SOS2: variants seen among roughly 807,000 people sequenced by gnomAD.
The protein encoded by SOS2 is SOS Ras/Rho guanine nucleotide exchange factor 2, also known as son of sevenless homolog 2.
SOS2 carries 65 observed loss-of-function variants against 148.2 expected under a neutral mutation model. The observed-to-expected ratio is 0.44, with a 90% CI of 0.36 to 0.54. The LOEUF is 0.54. SOS2 is among the 20% of genes least tolerant of loss of function. SOS2 has a pLI of 0.00. For missense variants in SOS2, 1,341 were observed against 1,590.2 expected (o/e 0.84, Z 2.67); for synonymous variants, 539 against 537.1 (o/e 1.00, Z -0.05).
intron 1 of SOS2, among the ~76,000 whole-genome samples, chr14:50,216,820 T>C (rs1887052072): frequency 6.6e-6 from 1 of 152,072 alleles, no homozygotes; most frequent in Admixed American, 6.6e-5. Flanking sequence ...ATTAAAGACT[T>C]AAATAAATGA....
intron 16 of SOS2, among the ~76,000 whole-genome samples, chr14:50,143,683 C>T (rs192472031): frequency 9.0e-4 from 137 of 152,276 alleles, no homozygotes; most frequent in Non-Finnish European, 8.5e-4. Context: ...CTCAGGTGAT[C>T]CACCCGCCTC....
At chr14:50,135,088 A>AG (rs1884030808) in intron 18 of SOS2, among the ~76,000 whole-genome samples, 1 of 148,456 alleles carries the variant, frequency 6.7e-6, no homozygotes, top group Admixed American at 6.7e-5. Flanking sequence ...AAAAAAAAAA[A>AG]AAAAGAAAGA....
chr14:50,148,687 G>T (rs1884571404), intron 14 of SOS2, among the ~76,000 whole-genome samples: 1 of 152,142 alleles, frequency 6.6e-6, no homozygotes, highest in Non-Finnish European at 1.5e-5. Context: ...TTTTGAGTCA[G>T]ATGTTGACAA....
At chr14:50,197,799 G>A (rs1886360550) in intron 4 of SOS2, among the ~76,000 whole-genome samples, 2 of 147,710 alleles carry the variant, frequency 1.4e-5, no homozygotes, top group Non-Finnish European at 3.0e-5. Context: ...AATGATTCTC[G>A]TGCCTCAGCC....
At chr14:50,198,755 C>T (rs1824348706) in intron 4 of SOS2, among the ~76,000 whole-genome samples, 1 of 152,214 alleles carries the variant, frequency 6.6e-6, no homozygotes, top group Admixed American at 6.5e-5. Context: ...GTACCTTGGA[C>T]TTACTAGTAT....
chr14:50,221,947 AAT>A (rs1887217015), intron 1 of SOS2, among the ~76,000 whole-genome samples: 1 of 152,200 alleles, frequency 6.6e-6, no homozygotes, highest in Non-Finnish European at 1.5e-5. Context: ...AAGGAGTATA[AAT>A]AAAAAAGTGC....
Position 50,231,355 on chromosome 14 carries a change from G to T in SOS2, c.-72C>A. On this transcript the variant is annotated 5_prime_UTR_variant, in exon 1 of 23. Coordinates refer to ENST00000216373, the MANE Select transcript of SOS2 (RefSeq NM_006939.4). ...GCCGGTGGCCTGACAGGCAGGGCGC[G>T]GGCCGCCTCGCCTCGCCGGCGGCCG... The T allele has an allele frequency of 1.6e-6, 1 of 641,330 alleles. No individual in the cohort carries two copies. Among genetic ancestry groups the T allele is most frequent in the Non-Finnish European group, 2.0e-6 (1 of 492,930 alleles). 39.7% of individuals were successfully genotyped at this position (641,330 alleles called of 1,614,324 possible).
intron 4 of SOS2, among the ~76,000 whole-genome samples, chr14:50,198,459 C>T (rs571971158): frequency 6.6e-6 from 1 of 152,172 alleles, no homozygotes; most frequent in East Asian, 1.9e-4. Flanking sequence ...TGGCATCGTA[C>T]AATCGGTCTC....
chr14:50,225,007 G>C (rs1233772037), intron 1 of SOS2, among the ~76,000 whole-genome samples: 2 of 151,986 alleles, frequency 1.3e-5, no homozygotes, highest in East Asian at 1.9e-4. Flanking sequence ...CTTATATCTA[G>C]ATCTTGGTAT....
chr14:50,209,274 C>CGCGTGTGTGTGT (rs1415473469), intron 1 of SOS2, among the ~76,000 whole-genome samples: 5 of 118,274 alleles, frequency 4.2e-5, no homozygotes, highest in Non-Finnish European at 7.5e-5. Context: ...CCTTAAATGT[C>CGCGTGTGTGTGT]GTGTGTGTGT....
At chr14:50,187,249 C>T (rs974698490) in intron 5 of SOS2, among the ~76,000 whole-genome samples, 10 of 151,952 alleles carry the variant, frequency 6.6e-5, no homozygotes, top group Middle Eastern at 3.2e-3. Context: ...TGGCCTCAAG[C>T]AATCCTCCTG....
intron 2 of SOS2, 73 bp downstream of exon 2, chr14:50,204,211 A>T: frequency 1.2e-6 from 1 of 841,078 alleles, no homozygotes; most frequent in Non-Finnish European, 1.8e-6. Flanking sequence ...ACAATAAATT[A>T]GAATGATATA....
chr14:50,136,184 A>G (rs902705382), intron 18 of SOS2, among the ~76,000 whole-genome samples: 9 of 152,266 alleles, frequency 5.9e-5, no homozygotes, highest in African/African-American at 2.2e-4. Flanking sequence ...AAAGGCTTTC[A>G]GAAAGCTATA....
intron 1 of SOS2, among the ~76,000 whole-genome samples, chr14:50,211,735 G>C (rs973761109): frequency 6.6e-6 from 1 of 151,998 alleles, no homozygotes; most frequent in African/African-American, 2.4e-5. Flanking sequence ...TGGGATTACA[G>C]GCATGAGCCA....
intron 1 of SOS2, among the ~76,000 whole-genome samples, chr14:50,204,791 TC>T (rs1385165590): frequency 6.6e-6 from 1 of 152,112 alleles, no homozygotes; most frequent in Non-Finnish European, 1.5e-5. Flanking sequence ...AAAACCATAC[TC>T]CTTTACAAAT....
chr14:50,226,686 C>T (rs1417353572), intron 1 of SOS2, among the ~76,000 whole-genome samples: 1 of 152,190 alleles, frequency 6.6e-6, no homozygotes, highest in Non-Finnish European at 1.5e-5. Context: ...CTTTCTCTGA[C>T]ATTTTTAACT....
At chr14:50,175,460 T>C (rs1340937437) in intron 7 of SOS2, among the ~76,000 whole-genome samples, 1 of 145,392 alleles carries the variant, frequency 6.9e-6, no homozygotes, top group Non-Finnish European at 1.5e-5. Flanking sequence ...TCCTGTTTGG[T>C]GCCCTAGAGG....
intron 4 of SOS2, among the ~76,000 whole-genome samples, chr14:50,198,037 G>T (rs1470195466): frequency 6.6e-6 from 1 of 150,568 alleles, no homozygotes; most frequent in Non-Finnish European, 1.5e-5. Context: ...GAGGAATGAG[G>T]AATTATTCCA....
chr14:50,207,476 G>A (rs899115208), intron 1 of SOS2, among the ~76,000 whole-genome samples: 5 of 151,448 alleles, frequency 3.3e-5, no homozygotes, highest in African/African-American at 4.9e-5. Context: ...GTGCCACTGC[G>A]CTCCAGCCTG....
Sources: allele counts gnomAD v4.1 joint callset (sites outside exome capture counted in the v4.1 genomes callset), GRCh38; gene constraint gnomAD v4.1.1; transcripts MANE v1.5; gene names NCBI Gene and HGNC (gene_info 2026-07-23, HGNC 2026-07-21).